Variants in SGCD observed in about 807,000 individuals in gnomAD.
The protein encoded by SGCD is delta-sarcoglycan.
In SGCD, 18 loss-of-function variants were observed where a neutral mutation model predicts 36.6. The observed-to-expected ratio is 0.49, with a 90% confidence interval of 0.34 to 0.73. The LOEUF is 0.73. SGCD is among the 30% of genes least tolerant of loss of function. SGCD has a pLI of 0.01. For missense variants in SGCD, 387 were observed against 346.7 expected (o/e 1.12, Z -0.92); for synonymous variants, 133 against 130.6 (o/e 1.02, Z -0.12).
intron 4 of SGCD, among the ~76,000 whole-genome samples, chr5:156,577,271 G>A (rs1026802609): frequency 2.0e-5 from 3 of 152,114 alleles, no homozygotes; most frequent in South Asian, 2.1e-4. Flanking sequence ...TGTTCCATTG[G>A]TCTATATCTC....
At chr5:156,326,798 G>T (rs1767830987), upstream of SGCD, 1 of 152,374 alleles carries the variant, frequency 6.6e-6, no homozygotes, top group South Asian at 2.1e-4. Context: ...CAGAGCAGAG[G>T]CTGTGTGGAG....
At chr5:156,439,353 G>A (rs533382598) in intron 3 of SGCD, among the ~76,000 whole-genome samples, 1 of 152,246 alleles carries the variant, frequency 6.6e-6, no homozygotes, top group Non-Finnish European at 1.5e-5. Flanking sequence ...GAATTTACCT[G>A]GATGGCAAAC....
intron 6 of SGCD, among the ~76,000 whole-genome samples, chr5:156,620,441 T>C (rs1012185330): frequency 6.6e-6 from 1 of 152,224 alleles, no homozygotes; most frequent in East Asian, 1.9e-4. Flanking sequence ...AAATATTAAA[T>C]AGTGAAAATG....
the SGCD span, among the ~76,000 whole-genome samples, chr5:155,856,972 G>A: frequency 2.0e-5 from 3 of 152,288 alleles, no homozygotes; most frequent in South Asian, 2.1e-4. Context: ...AGTGGCTCAC[G>A]CCTGTAATCC....
intron 3 of SGCD, among the ~76,000 whole-genome samples, chr5:156,259,745 A>G (rs1312752209): frequency 6.6e-6 from 1 of 152,058 alleles, no homozygotes; most frequent in Non-Finnish European, 1.5e-5. Context: ...GGAGGTAAGT[A>G]GGATTAGATA....
At chr5:156,048,660 T>G (rs1759836619) in intron 1 of SGCD, among the ~76,000 whole-genome samples, 1 of 152,204 alleles carries the variant, frequency 6.6e-6, no homozygotes, top group African/African-American at 2.4e-5. Flanking sequence ...TCACCCACTT[T>G]TTGATGGGGT....
intron 6 of SGCD, among the ~76,000 whole-genome samples, chr5:156,609,963 T>A (rs1321098873): frequency 2.0e-5 from 3 of 152,014 alleles, no homozygotes; most frequent in Admixed American, 6.6e-5. Context: ...TTTTTCGAGG[T>A]TTTTAACTTC....
chr5:155,885,897 GA>G (rs1200757647), intron 1 of SGCD, among the ~76,000 whole-genome samples: 1 of 152,214 alleles, frequency 6.6e-6, no homozygotes, highest in Non-Finnish European at 1.5e-5. Flanking sequence ...ATCATCTACA[GA>G]CAGGATCTTT....
chr5:156,199,194 C>A (rs546077274), intron 3 of SGCD, among the ~76,000 whole-genome samples: 5 of 152,032 alleles, frequency 3.3e-5, no homozygotes, highest in Non-Finnish European at 7.4e-5. Flanking sequence ...AGCTTTAGAG[C>A]CATTTCAGTG....
chr5:156,604,805 A>C (rs1380759320), intron 6 of SGCD, among the ~76,000 whole-genome samples: 1 of 32,438 alleles, frequency 3.1e-5, no homozygotes, highest in African/African-American at 8.1e-5. Context: ...ATATATATAA[A>C]TTATACACTA....
chr5:156,503,711 A>G (rs1258489552), intron 3 of SGCD, among the ~76,000 whole-genome samples: 2 of 152,338 alleles, frequency 1.3e-5, no homozygotes, highest in East Asian at 3.9e-4. Context: ...TTGTAAAAGA[A>G]GGAAAATAAT....
At chr5:156,397,751 C>T (rs188673759) in intron 3 of SGCD, among the ~76,000 whole-genome samples, 3 of 152,308 alleles carry the variant, frequency 2.0e-5, no homozygotes, top group East Asian at 1.9e-4. Context: ...CAAAGCAGTA[C>T]ATAAGTCATT....
intron 6 of SGCD, among the ~76,000 whole-genome samples, chr5:156,644,883 G>T (rs571366369): frequency 6.6e-6 from 1 of 151,952 alleles, no homozygotes; most frequent in Non-Finnish European, 1.5e-5. Flanking sequence ...CTGGAGAGGA[G>T]AAGCTGGTTT....
chr5:156,725,011 C>T (rs1309531854), intron 7 of SGCD, among the ~76,000 whole-genome samples: 1 of 152,218 alleles, frequency 6.6e-6, no homozygotes, highest in Non-Finnish European at 1.5e-5. Context: ...TGGACTTCCA[C>T]AGCATCAGAA....
At chr5:156,494,818 T>C (rs1165638621) in intron 3 of SGCD, among the ~76,000 whole-genome samples, 1 of 152,164 alleles carries the variant, frequency 6.6e-6, no homozygotes, top group African/African-American at 2.4e-5. Flanking sequence ...CTGATGCCAT[T>C]CTTGGTGATC....
chr5:155,959,127 C>T (rs1006428303), intron 1 of SGCD, among the ~76,000 whole-genome samples: 2 of 152,100 alleles, frequency 1.3e-5, no homozygotes, highest in Admixed American at 6.6e-5. Context: ...CTTATGGTAC[C>T]ACTTGGCTAC....
At chr5:156,170,483 T>A (rs1763316076) in intron 3 of SGCD, among the ~76,000 whole-genome samples, 1 of 152,210 alleles carries the variant, frequency 6.6e-6, no homozygotes, top group African/African-American at 2.4e-5. Flanking sequence ...TTAGTTCCTA[T>A]ACCAGGGGTG....
intron 1 of SGCD, among the ~76,000 whole-genome samples, chr5:155,969,409 AAGATGTG>A (rs2127559118): frequency 6.6e-6 from 1 of 152,290 alleles, no homozygotes; most frequent in African/African-American, 2.4e-5. Context: ...TGTACACTTT[AAGATGTG>A]AGAGAACTGC....
At chr5:155,915,534 C>A (rs1756717835) in intron 1 of SGCD, among the ~76,000 whole-genome samples, 1 of 152,070 alleles carries the variant, frequency 6.6e-6, no homozygotes, top group Admixed American at 6.6e-5. Flanking sequence ...CAAAATTAAT[C>A]AATGTTTAAT....
Sources: gnomAD v4.1 joint callset for allele counts (sites outside exome capture counted in the v4.1 genomes callset) on GRCh38, gnomAD v4.1.1 for gene constraint, MANE v1.5 for transcripts, NCBI Gene and HGNC (gene_info 2026-07-23, HGNC 2026-07-21) for gene names.